Variants in EBF1 observed in about 807,000 individuals in gnomAD.
EBF1 encodes transcription factor COE1.
A neutral mutation model predicts 68.4 loss-of-function variants in EBF1; 10 were observed. That is an observed-to-expected ratio of 0.15 (90% CI 0.09 to 0.25). The LOEUF is 0.25. Among genes scored for constraint, EBF1 ranks in the 10% least tolerant of loss-of-function variants. The probability of loss-of-function intolerance (pLI) is 1.00; values close to 1 mark genes in which losing one functional copy is unlikely to be tolerated. For synonymous variants in EBF1, 298 were observed against 299.8 expected, an observed-to-expected ratio of 0.99 and a Z score of 0.06; for missense variants, 509 against 794.4, an observed-to-expected ratio of 0.64 and a Z score of 4.32.
intron 6 of EBF1, among the ~76,000 whole-genome samples, chr5:158,948,093 G>A (rs1815197402): frequency 6.6e-6 from 1 of 152,218 alleles, no homozygotes; most frequent in African/African-American, 2.4e-5. Context: ...TTGACAGACT[G>A]TCACAGGAAC....
At chr5:159,085,549 G>T (rs1282631070) in intron 4 of EBF1, among the ~76,000 whole-genome samples, 1 of 152,154 alleles carries the variant, frequency 6.6e-6, no homozygotes, top group Admixed American at 6.5e-5. Flanking sequence ...GGATCTACAT[G>T]TTAATACCTG....
intron 14 of EBF1, among the ~76,000 whole-genome samples, chr5:158,711,381 T>C (rs1233690161): frequency 3.3e-5 from 5 of 152,228 alleles, no homozygotes. Flanking sequence ...TTATTATCTT[T>C]GCATCACTAT....
At chr5:158,783,153 T>C (rs1055796031) in intron 9 of EBF1, among the ~76,000 whole-genome samples, 1 of 152,210 alleles carries the variant, frequency 6.6e-6, no homozygotes, top group Non-Finnish European at 1.5e-5. Context: ...TGCCTCTTCC[T>C]CCTATGTGTA....
chr5:158,962,127 G>A lies in EBF1; in HGVS notation c.554+111269C>T, dbSNP rs181594568. 1.9e-3 allele frequency among the ~76,000 whole-genome samples: 288 copies of A among 152,248 alleles called. 1 individual carries two copies. Among genetic ancestry groups the A allele is most frequent in the Non-Finnish European group, 2.3e-3 (157 of 68,024 alleles). On this transcript the variant is annotated intron_variant, in intron 6 of 15. Transcript: ENST00000313708. ...TGTGTTTAAGTGATCTGATAAAGCC[G>A]GTGGCAGCTTGAGGGGCGGTATGCT...
intron 6 of EBF1, among the ~76,000 whole-genome samples, chr5:159,016,536 A>T (rs1765654748): frequency 6.6e-6 from 1 of 152,166 alleles, no homozygotes. Flanking sequence ...GCTCTTTTTC[A>T]TCTAATAGAA....
At chr5:158,857,945 T>C (rs1296484888) in intron 6 of EBF1, among the ~76,000 whole-genome samples, 1 of 152,218 alleles carries the variant, frequency 6.6e-6, no homozygotes, top group Non-Finnish European at 1.5e-5. Context: ...ATTACTTTCC[T>C]TAACACAACT....
At chr5:158,954,187 G>A (rs567505708) in intron 6 of EBF1, among the ~76,000 whole-genome samples, 5 of 151,672 alleles carry the variant, frequency 3.3e-5, no homozygotes, top group African/African-American at 1.2e-4. Context: ...TGAGATCTAT[G>A]CCCGTGCGGC....
intron 6 of EBF1, among the ~76,000 whole-genome samples, chr5:158,948,867 C>G (rs190896392): frequency 2.2e-4 from 33 of 152,314 alleles, no homozygotes; most frequent in Non-Finnish European, 3.2e-4. Context: ...TCCCTGCCTC[C>G]CGCCCCTCAG....
chr5:158,866,546 T>A (rs2128045961), intron 6 of EBF1, among the ~76,000 whole-genome samples: 1 of 152,140 alleles, frequency 6.6e-6, no homozygotes, highest in South Asian at 2.1e-4. Context: ...CAGGAGCCAG[T>A]GTCCCGCAAT....
intron 8 of EBF1, among the ~76,000 whole-genome samples, chr5:158,817,903 C>G (rs966263053): frequency 6.6e-6 from 1 of 152,204 alleles, no homozygotes; most frequent in Non-Finnish European, 1.5e-5. Context: ...CTTATTGACA[C>G]CTTATCCCTT....
intron 6 of EBF1, among the ~76,000 whole-genome samples, chr5:158,942,927 G>A (rs868435656): frequency 4.8e-4 from 17 of 35,570 alleles, no homozygotes; most frequent in East Asian, 1.2e-3. Flanking sequence ...GGAAGGAGGG[G>A]AGAGGAGAGA....
At chr5:159,004,347 A>G (rs1763137823) in intron 6 of EBF1, among the ~76,000 whole-genome samples, 1 of 151,892 alleles carries the variant, frequency 6.6e-6, no homozygotes. Flanking sequence ...CACTCTGACT[A>G]TATTAAGTCA....
rs751247964 is a variant in EBF1, at chr5:158,708,048, C to T, written c.1675G>A (p.Ala559Thr). ...VSAVKQKSAFAPVVRPQTSPP... is the reference protein window; with the variant it reads ...VSAVKQKSAFTPVVRPQTSPP... ...GAGGTCTGGGGTCTGACGACTGGTG[C>T]GAAAGCACTCTTCTGTTTCACGGCT... Residue 559 changes from alanine (A) to threonine (T), a missense_variant, in exon 15 of 16, where the codon GCA becomes ACA. Physicochemically the swap from Ala to Thr is moderately conservative, Grantham distance 58. This residue lies in a region of EBF1 where 205 missense variants were observed against 247.4 expected (regional missense o/e 0.83). Transcript: ENST00000313708. 1.3e-6 allele frequency: 2 copies of T among 1,556,502 alleles called. No individual in the cohort carries two copies. The highest frequency in any genetic ancestry group is 1.9e-5 in the Admixed American group (1 of 51,660).
intron 6 of EBF1, among the ~76,000 whole-genome samples, chr5:158,871,893 C>T (rs1303265301): frequency 6.6e-6 from 1 of 152,164 alleles, no homozygotes; most frequent in South Asian, 2.1e-4. Context: ...AAACAAAAAC[C>T]CAGACAGCAC....
chr5:159,005,961 A>C (rs1037782989), intron 6 of EBF1, among the ~76,000 whole-genome samples: 1 of 152,240 alleles, frequency 6.6e-6, no homozygotes, highest in Non-Finnish European at 1.5e-5. Flanking sequence ...GTGTACTAAC[A>C]GAATCATAGC....
intron 8 of EBF1, among the ~76,000 whole-genome samples, chr5:158,816,156 C>T (rs1048127397): frequency 2.0e-5 from 3 of 152,222 alleles, no homozygotes; most frequent in East Asian, 3.8e-4. Flanking sequence ...CACAGAAGGG[C>T]TGTTGGCTAT....
At chr5:158,946,620 C>T (rs1376574346) in intron 6 of EBF1, among the ~76,000 whole-genome samples, 1 of 152,190 alleles carries the variant, frequency 6.6e-6, no homozygotes, top group Admixed American at 6.5e-5. Flanking sequence ...ACGTGTCTGT[C>T]GACCACTGCT....
At chr5:158,736,640 G>A (rs1038115397) in intron 10 of EBF1, among the ~76,000 whole-genome samples, 5 of 152,144 alleles carry the variant, frequency 3.3e-5, no homozygotes. Flanking sequence ...AAGCTTCCCT[G>A]GTGACTACTC....
chr5:158,834,089 G>T (rs533140241), intron 7 of EBF1, among the ~76,000 whole-genome samples: 1 of 152,252 alleles, frequency 6.6e-6, no homozygotes, highest in South Asian at 2.1e-4. Flanking sequence ...CTTTACTTCA[G>T]TCTCCAGGTA....
Sources: gnomAD v4.1 joint callset for allele counts (sites outside exome capture counted in the v4.1 genomes callset) on GRCh38, gnomAD v4.1.1 for gene constraint, gnomAD v4.1.1 regional missense constraint, MANE v1.5 for transcripts, NCBI Gene and HGNC (gene_info 2026-07-23, HGNC 2026-07-21) for gene names.